The following CCDC171 variants were observed in gnomAD, a reference collection of about 807,000 sequenced individuals.
The protein encoded by CCDC171 is coiled-coil domain-containing protein 171.
A neutral mutation model predicts 168.2 loss-of-function variants in CCDC171; 177 were observed. The observed-to-expected ratio is 1.05, with a 90% CI of 0.93 to 1.19. The LOEUF (loss-of-function observed/expected upper bound fraction) is 1.19. CCDC171 is among the 50% of genes most tolerant of loss of function. The pLI is 0.00. For missense variants in CCDC171, 1,991 were observed against 1,539.0 expected (o/e 1.29, Z -4.91); for synonymous variants, 687 against 540.8 (o/e 1.27, Z -3.75).
At chr9:15,864,990 A>G (rs1238916778) in intron 23 of CCDC171, among the ~76,000 whole-genome samples, 2 of 152,118 alleles carry the variant, frequency 1.3e-5, no homozygotes, top group African/African-American at 4.8e-5. Context: ...AGGCTTTAAA[A>G]GTACCAAAGA....
chr9:16,083,613 C>T, the CCDC171 span, among the ~76,000 whole-genome samples: 19 of 152,144 alleles, frequency 1.2e-4, 1 homozygote, highest in Admixed American at 2.0e-4. Flanking sequence ...CTTTTTAGGA[C>T]GAGGGTGGAG....
chr9:15,891,143 A>G (rs533258905), intron 24 of CCDC171, among the ~76,000 whole-genome samples: 95 of 152,282 alleles, frequency 6.2e-4, no homozygotes, highest in African/African-American at 1.9e-3. Context: ...CCAATTATGG[A>G]TGTACTTTGC....
chr9:15,703,518 T>G (rs2051957724), intron 11 of CCDC171, among the ~76,000 whole-genome samples: 1 of 152,246 alleles, frequency 6.6e-6, no homozygotes, highest in South Asian at 2.1e-4. Context: ...AGTATTTGTC[T>G]TTCTGTGCCA....
At chr9:15,706,261 C>A (rs2052224587) in intron 11 of CCDC171, among the ~76,000 whole-genome samples, 1 of 151,056 alleles carries the variant, frequency 6.6e-6, no homozygotes, top group Non-Finnish European at 1.5e-5. Flanking sequence ...TCCTTCCTTC[C>A]TTCCTTCCTT....
intron 6 of CCDC171, among the ~76,000 whole-genome samples, chr9:16,025,759 A>G (rs1470645884): frequency 1.3e-5 from 2 of 152,204 alleles, no homozygotes; most frequent in Admixed American, 6.5e-5. Context: ...TAAAGACAGA[A>G]AGCAGATCAG....
At chr9:15,965,386 T>A (rs1327513080) in intron 25 of CCDC171, among the ~76,000 whole-genome samples, 1 of 152,220 alleles carries the variant, frequency 6.6e-6, no homozygotes, top group Non-Finnish European at 1.5e-5. Context: ...CTATATCTTC[T>A]TTGGGCAACA....
At chr9:15,912,700 G>C (rs1823883548) in intron 24 of CCDC171, among the ~76,000 whole-genome samples, 1 of 152,152 alleles carries the variant, frequency 6.6e-6, no homozygotes, top group South Asian at 2.1e-4. Context: ...TTATTATTTT[G>C]AGATATGTTC....
intron 8 of CCDC171, among the ~76,000 whole-genome samples, chr9:15,657,599 G>A (rs1256399716): frequency 6.6e-6 from 1 of 152,154 alleles, no homozygotes; most frequent in Non-Finnish European, 1.5e-5. Flanking sequence ...TTGAAAAAAT[G>A]TGCATGTTAT....
chr9:15,702,199 G>T (rs2051805897), intron 11 of CCDC171, among the ~76,000 whole-genome samples: 1 of 152,102 alleles, frequency 6.6e-6, no homozygotes, highest in South Asian at 2.1e-4. Flanking sequence ...TAAACATTCT[G>T]TAAAGAGATG....
intron 24 of CCDC171, among the ~76,000 whole-genome samples, chr9:15,913,716 A>G (rs1233379128): frequency 6.6e-6 from 1 of 152,102 alleles, no homozygotes. Flanking sequence ...TTTGGAGAAG[A>G]GGGATTCTGG....
At chr9:15,947,577 G>A (rs989592754) in intron 25 of CCDC171, among the ~76,000 whole-genome samples, 2 of 151,970 alleles carry the variant, frequency 1.3e-5, no homozygotes, top group Non-Finnish European at 2.9e-5. Flanking sequence ...TCCATTGTAT[G>A]TATATAGCAC....
chr9:16,074,338 G>C, the CCDC171 span, among the ~76,000 whole-genome samples: 1 of 152,174 alleles, frequency 6.6e-6, no homozygotes, highest in African/African-American at 2.4e-5. Context: ...TTTTAGTGAA[G>C]TTTTATGGGG....
chr9:15,854,390 C>A (rs1334002454), intron 23 of CCDC171, among the ~76,000 whole-genome samples: 1 of 151,378 alleles, frequency 6.6e-6, no homozygotes, highest in African/African-American at 2.4e-5. Context: ...TCCCATTGCT[C>A]ATTTTCTTAT....
intron 1 of CCDC171, among the ~76,000 whole-genome samples, chr9:16,051,637 G>A (rs914478968): frequency 6.6e-6 from 1 of 152,160 alleles, no homozygotes; most frequent in Non-Finnish European, 1.5e-5. Context: ...TTGCTACCCA[G>A]CATGAGTGCA....
chr9:15,617,458 G>A (rs1301775597), intron 6 of CCDC171, among the ~76,000 whole-genome samples: 3 of 150,522 alleles, frequency 2.0e-5, no homozygotes, highest in African/African-American at 4.9e-5. Flanking sequence ...CTCACTGCAA[G>A]CTCCGCCTCC....
At chr9:15,681,747 G>C (rs2050055093) in intron 10 of CCDC171, among the ~76,000 whole-genome samples, 1 of 151,996 alleles carries the variant, frequency 6.6e-6, no homozygotes, top group Non-Finnish European at 1.5e-5. Flanking sequence ...TAAGCCATAA[G>C]AAATGAAGTT....
At chr9:15,806,664 T>C (rs900948570) in intron 21 of CCDC171, among the ~76,000 whole-genome samples, 1 of 152,112 alleles carries the variant, frequency 6.6e-6, no homozygotes, top group African/African-American at 2.4e-5. Flanking sequence ...CATTCTTTTT[T>C]TTCATTTCAA....
At chr9:16,084,837 G>A in the CCDC171 span, among the ~76,000 whole-genome samples, 1 of 152,172 alleles carries the variant, frequency 6.6e-6, no homozygotes, top group Admixed American at 6.5e-5. Flanking sequence ...GTGAGGTAAG[G>A]CAGCGTGGTA....
chr9:16,060,308 A>G (rs1310597519), intron 1 of CCDC171, among the ~76,000 whole-genome samples: 1 of 152,210 alleles, frequency 6.6e-6, no homozygotes, highest in East Asian at 1.9e-4. Context: ...GAGGTGAGGA[A>G]AAACGGAGCG....
Sources: gnomAD v4.1 joint callset for allele counts (sites outside exome capture counted in the v4.1 genomes callset) on GRCh38, gnomAD v4.1.1 for gene constraint, MANE v1.5 for transcripts, NCBI Gene and HGNC (gene_info 2026-07-23, HGNC 2026-07-21) for gene names.